MEP1B: variants seen among roughly 807,000 people sequenced by gnomAD.
The protein encoded by MEP1B is N-benzoyl-L-tyrosyl-P-amino-benzoic acid hydrolase subunit beta.
In MEP1B, 80 loss-of-function variants were observed where a neutral mutation model predicts 84.6. The observed-to-expected ratio is 0.95, with a 90% CI of 0.79 to 1.14. MEP1B has a LOEUF of 1.14. Among genes scored for constraint, MEP1B ranks in the 50% most tolerant of loss-of-function variants. The probability of loss-of-function intolerance (pLI) is 0.00; values close to 1 mark genes in which losing one functional copy is unlikely to be tolerated. For synonymous variants in MEP1B, 273 were observed against 288.1 expected, an observed-to-expected ratio of 0.95 and a Z score of 0.53; for missense variants, 766 against 855.1, an observed-to-expected ratio of 0.90 and a Z score of 1.30.
At chr18:32,202,063 T>C (rs897718579) in intron 5 of MEP1B, among the ~76,000 whole-genome samples, 2 of 152,234 alleles carry the variant, frequency 1.3e-5, no homozygotes, top group Non-Finnish European at 2.9e-5. Flanking sequence ...GTTGATTGAA[T>C]TGGCAAAAGT....
rs145828132 is a variant in MEP1B, at chr18:32,198,805, G to A, written c.250+3320G>A. Among the ~76,000 whole-genome samples the A allele has an allele frequency of 1.8e-4, 27 of 152,310 alleles. No individual in the cohort carries two copies. The East Asian group carries it at 5.0e-3, about 28-fold the overall frequency. On this transcript the variant is annotated intron_variant, in intron 5 of 14. Coordinates refer to ENST00000269202, the MANE Select transcript of MEP1B (RefSeq NM_005925.3). ...GTTTAAAATAATCACTTGGGTTGAA[G>A]TATAGAAGATGTGTCATTAGTGGGG...
intron 10 of MEP1B, among the ~76,000 whole-genome samples, chr18:32,212,706 T>C (rs1357020080): frequency 1.3e-5 from 2 of 152,226 alleles, no homozygotes; most frequent in Non-Finnish European, 1.5e-5. Flanking sequence ...CCAATCAAAC[T>C]ATAAATATAT....
In MEP1B at chr18:32,196,271, T is replaced by TG. The variant is rs2040853250; in HGVS notation, c.250+791dup. 1 of 707,490 alleles carries TG rather than the reference T, an allele frequency of 1.4e-6. No individual in the cohort carries two copies. The highest frequency in any genetic ancestry group is 2.6e-6 in the Non-Finnish European group (1 of 377,694). The allele number at this position is 707,490 out of a possible 1,614,324, so 43.8% of individuals were successfully genotyped here. On this transcript the variant is annotated intron_variant, in intron 5 of 14. Transcript: ENST00000269202. This position sits in a 1 kb window ranked among gnomAD's most constrained non-coding sequence, Gnocchi z 4.4. The stretch of plus-strand genomic sequence containing the variant: ...AACTGCTCCAAGACGCTGGCCATGC[T>TG]GGGGGCTGTGAAGTTGAGGGGCGGG...
In MEP1B at chr18:32,192,687, G is replaced by A; in HGVS notation, c.124G>A (p.Glu42Lys). The A allele has an allele frequency of 6.2e-7, 1 of 1,613,246 alleles. No homozygotes were observed. Among genetic ancestry groups the A allele is most frequent in the Non-Finnish European group, 8.5e-7 (1 of 1,179,354 alleles). Residue 42 changes from glutamate (E) to lysine (K), a missense_variant, in exon 3 of 15, where the codon GAA (glutamate) becomes AAA (lysine). Transcript: ENST00000269202. ...GMDQDIFDIN[E>K]GLGLDLFEGD... ...GGACCAGGACATATTTGATATCAATGAAGGTTTGTGGATTTTTTTTACATA... is the reference window on the plus strand; with the variant it reads ...GGACCAGGACATATTTGATATCAATAAAGGTTTGTGGATTTTTTTTACATA...
intron 8 of MEP1B, among the ~76,000 whole-genome samples, chr18:32,207,785 A>G (rs987275049): frequency 6.6e-6 from 1 of 152,212 alleles, no homozygotes; most frequent in Non-Finnish European, 1.5e-5. Flanking sequence ...CCAAAATGAT[A>G]TGTCTAGTTG....
Position 32,202,839 on chromosome 18 carries a change from T to C in MEP1B, c.251-54T>C, listed in dbSNP as rs1005026691. On this transcript the variant is annotated intron_variant, in intron 5 of 14. Transcript: ENST00000269202. Reference sequence around the variant, plus strand: ...GCAGTGGCCTGCTTCCATGGAAGATTTTTCAGTGGTGATTGTTTTAATAAG... The same window carrying C: ...GCAGTGGCCTGCTTCCATGGAAGATCTTTCAGTGGTGATTGTTTTAATAAG... 3.5e-6 allele frequency: 4 copies of C among 1,151,558 alleles called. No homozygotes were observed. The African/African-American group carries it at 6.1e-5, about 18-fold the overall frequency. The allele number at this position is 1,151,558 out of a possible 1,614,324, so 71.3% of individuals were successfully genotyped here.
chr18:32,216,526 G>C (rs2041091155), intron 12 of MEP1B, among the ~76,000 whole-genome samples: 2 of 152,172 alleles, frequency 1.3e-5, no homozygotes, highest in South Asian at 4.1e-4. Flanking sequence ...CTGAGTTTTG[G>C]TTTCCTTATC....
Position 32,196,260 on chromosome 18 carries a change from G to A in MEP1B, c.250+775G>A, listed in dbSNP as rs2040853157. 7.1e-6 allele frequency: 5 copies of A among 703,070 alleles called. No individual in the cohort carries two copies. The highest frequency in any genetic ancestry group is 4.0e-5 in the Admixed American group (2 of 50,114). 43.6% of individuals were successfully genotyped at this position (703,070 alleles called of 1,614,324 possible). On this transcript the variant is annotated intron_variant, in intron 5 of 14. Transcript: ENST00000269202. The surrounding 1 kb of genome is among the most constrained non-coding windows in gnomAD (Gnocchi z 4.4). ...TGATGCCTTTGAACTGCTCCAAGAC[G>A]CTGGCCATGCTGGGGGCTGTGAAGT...
rs1285582152 is a variant in MEP1B at position 32,206,577 on chromosome 18, G to A, written c.548-675G>A. Among the ~76,000 whole-genome samples the A allele has an allele frequency of 2.0e-5, 3 of 151,704 alleles. No homozygotes were observed. The East Asian group carries it at 5.8e-4, about 29-fold the overall frequency. Reference sequence around the variant, plus strand: ...CCGGAGTAGCTGGGACTACAGGCATGCACCACCATGCCTGGCTAATTTTTA... The same window carrying A: ...CCGGAGTAGCTGGGACTACAGGCATACACCACCATGCCTGGCTAATTTTTA... On this transcript the variant is annotated intron_variant, in intron 7 of 14. Transcript: ENST00000269202.
intron 1 of MEP1B, 25 bp from the exon 2 acceptor site, chr18:32,191,797 T>C: frequency 2.7e-6 from 4 of 1,478,398 alleles, no homozygotes; most frequent in Non-Finnish European, 3.7e-6. Flanking sequence ...TAATAATATG[T>C]TTTGTTTATG....
chr18:32,192,578 A>T, intron 2 of MEP1B, 68 bp from the exon 3 acceptor site: 1 of 1,455,560 alleles, frequency 6.9e-7, no homozygotes. Flanking sequence ...TGATTATATA[A>T]ATGATAAAGG....
intron 5 of MEP1B, among the ~76,000 whole-genome samples, chr18:32,199,533 A>T (rs1193469884): frequency 6.6e-6 from 1 of 152,182 alleles, no homozygotes. Context: ...GGGCATGAGG[A>T]GAGAAAGATG....
rs1252289351 is a variant in MEP1B at position 32,207,435 on chromosome 18, C to T, written c.731C>T (p.Ser244Phe). ...VIGQRMDFSDSDLLKLNQLYN... is the reference protein window; with the variant it reads ...VIGQRMDFSDFDLLKLNQLYN... ...GGCCAACGAATGGATTTCAGTGACT[C>T]TGATCTCCTAAAGTTGAATCAACTG... Residue 244 changes from serine to phenylalanine, a missense_variant, in exon 8 of 15, where the codon TCT becomes TTT. Transcript: ENST00000269202. 6.2e-7 allele frequency: 1 copy of T among 1,612,624 alleles called. No homozygotes were observed. Among genetic ancestry groups the T allele is most frequent in the East Asian group, 2.2e-5 (1 of 44,858 alleles).
intron 4 of MEP1B, among the ~76,000 whole-genome samples, chr18:32,194,756 C>T (rs575828159): frequency 1.8e-4 from 27 of 152,224 alleles, no homozygotes; most frequent in Non-Finnish European, 3.8e-4. Context: ...TCATGTACTC[C>T]GTCATCCCTG....
chr18:32,200,752 T>C (rs937026780), intron 5 of MEP1B, among the ~76,000 whole-genome samples: 3 of 152,182 alleles, frequency 2.0e-5, no homozygotes, highest in Non-Finnish European at 4.4e-5. Context: ...ATAGCAGCCA[T>C]TTATAGTTTC....
chr18:32,197,412 T>G (rs982000890), intron 5 of MEP1B, among the ~76,000 whole-genome samples: 11 of 150,722 alleles, frequency 7.3e-5, no homozygotes, highest in African/African-American at 2.7e-4. Context: ...TTTGTTTTTT[T>G]TTTTTTGTTT....
rs1181169716 is a variant in MEP1B at position 32,204,210 on chromosome 18, G to T, written c.397G>T (p.Val133Phe). Residue 133 changes from valine to phenylalanine, a missense_variant, in exon 7 of 15, where the codon GTT becomes TTT. Val to Phe is a conservative substitution (Grantham distance 50). Transcript: ENST00000269202. ...GCWSSVGNRR[V>F]GKQELSIGAN... ...CTGGTCTTCAGTAGGAAATAGGCGG[G>T]TTGGGAAGCAAGAACTTTCCATCGG... 6.2e-7 allele frequency: 1 copy of T among 1,606,706 alleles called. No homozygotes were observed. The highest frequency in any genetic ancestry group is 8.5e-7 in the Non-Finnish European group (1 of 1,176,838).
rs2041097166 is a variant in MEP1B at position 32,217,020 on chromosome 18, C to T, written c.1789C>T (p.Gln597Ter). The change falls in exon 13 of 15, where the codon CAG becomes TAG. Residue 597 changes from glutamine to a stop codon, truncating the protein, a stop_gained. Coordinates refer to ENST00000269202, the MANE Select transcript of MEP1B (RefSeq NM_005925.3). LOFTEE classifies it high-confidence loss of function. ...ATCTCACCTCAACTCTACACAAATC[C>T]AGCTAACACCAGCCCCTAGTGTTCA... ...DISHLNSTQI[Q>*]LTPAPSVQDL... The T allele has an allele frequency of 6.2e-7, 1 of 1,613,952 alleles. No individual in the cohort carries two copies. The highest frequency in any genetic ancestry group is 8.5e-7 in the Non-Finnish European group (1 of 1,179,842).
At chr18:32,208,568 G>A (rs1195366140) in intron 9 of MEP1B, among the ~76,000 whole-genome samples, 2 of 152,080 alleles carry the variant, frequency 1.3e-5, no homozygotes, top group Non-Finnish European at 2.9e-5. Context: ...CTTATCTCAG[G>A]GGCAGTACTA....
Sources: gnomAD v4.1 joint callset for allele counts (sites outside exome capture counted in the v4.1 genomes callset) on GRCh38, gnomAD v4.1.1 for gene constraint, Gnocchi (gnomAD v3.1) non-coding constraint, MANE v1.5 for transcripts, NCBI Gene and HGNC (gene_info 2026-07-23, HGNC 2026-07-21) for gene names.